ZMYM2: variants seen among roughly 807,000 people sequenced by gnomAD.
The protein encoded by ZMYM2 is zinc finger MYM-type containing 2.
In ZMYM2, 56 loss-of-function variants were observed where a neutral mutation model predicts 162.8. The ratio of observed to expected loss-of-function variants is 0.34; its 90% CI spans 0.28 to 0.43. ZMYM2 has a LOEUF of 0.43. ZMYM2 is among the 20% of genes least tolerant of loss of function. The pLI, the probability that ZMYM2 is intolerant of heterozygous loss-of-function variation, is 1.00. For synonymous variants in ZMYM2, 510 were observed against 541.6 expected (o/e 0.94, Z 0.81); for missense variants, 1,275 against 1,621.8 (o/e 0.79, Z 3.67).
upstream of ZMYM2, among the ~76,000 whole-genome samples, chr13:19,954,126 A>ATTTTTTGTTTTTTTTTTTTTTTTTTTTTT (rs1954471754): frequency 1.5e-5 from 1 of 64,912 alleles, no homozygotes. Context: ...GCTATGTTTA[A>ATTTTTTGTTTTTTTTTTTTTTTTTTTTTT]TTTTTTTTTT....
At chr13:19,940,275 A>G in the ZMYM2 span, among the ~76,000 whole-genome samples, 3 of 152,188 alleles carry the variant, frequency 2.0e-5, no homozygotes, top group Non-Finnish European at 2.9e-5. Context: ...GGGGCTAGGG[A>G]ATACATTAAG....
intron 7 of ZMYM2, 59 bp downstream of exon 7, chr13:20,019,677 G>A: frequency 7.0e-7 from 1 of 1,421,164 alleles, no homozygotes; most frequent in Non-Finnish European, 9.7e-7. Flanking sequence ...TGCTACTACT[G>A]TCATTAATAT....
the ZMYM2 span, among the ~76,000 whole-genome samples, chr13:19,881,535 T>G: frequency 6.6e-6 from 1 of 151,802 alleles, no homozygotes; most frequent in East Asian, 2.0e-4. Flanking sequence ...GGTGGCAGAA[T>G]TCCTTGAACC....
the ZMYM2 span, among the ~76,000 whole-genome samples, chr13:19,947,550 C>T: frequency 4.0e-5 from 6 of 150,198 alleles, no homozygotes; most frequent in Non-Finnish European, 8.8e-5. Context: ...ACTTCCGCCT[C>T]TGGGTTCGAG....
chr13:19,884,359 A>T, the ZMYM2 span, among the ~76,000 whole-genome samples: 1 of 152,132 alleles, frequency 6.6e-6, no homozygotes, highest in South Asian at 2.1e-4. Flanking sequence ...AAAAAGCACG[A>T]CGTCAGTAGA....
chr13:20,063,831 T>TATATAAATATATA (rs1956428506), intron 18 of ZMYM2, among the ~76,000 whole-genome samples: 7 of 132,806 alleles, frequency 5.3e-5, no homozygotes, highest in African/African-American at 1.1e-4. Flanking sequence ...ATAAATATAA[T>TATATAAATATATA]TTTATATATT....
intron 7 of ZMYM2, chr13:20,024,989 T>C (rs1300711513): frequency 9.3e-6 from 2 of 214,210 alleles, no homozygotes; most frequent in Non-Finnish European, 1.9e-5. Context: ...TGTTTTCTTA[T>C]ACTTTTTCTA....
chr13:19,996,826 G>A (rs899989405), intron 3 of ZMYM2, among the ~76,000 whole-genome samples: 5 of 152,216 alleles, frequency 3.3e-5, no homozygotes, highest in African/African-American at 1.2e-4. Context: ...GATCAAGGCT[G>A]CAGTGAGCTA....
At chr13:19,883,806 G>A in the ZMYM2 span, among the ~76,000 whole-genome samples, 1 of 152,090 alleles carries the variant, frequency 6.6e-6, no homozygotes, top group South Asian at 2.1e-4. Flanking sequence ...GCCCAGGCTG[G>A]AGCGCACGGG....
At chr13:20,049,919 T>G (rs1362591748) in intron 12 of ZMYM2, among the ~76,000 whole-genome samples, 2 of 151,942 alleles carry the variant, frequency 1.3e-5, no homozygotes, top group African/African-American at 2.4e-5. Context: ...TGAGCATAAA[T>G]TATAAAAAGG....
At chr13:19,929,482 C>T in the ZMYM2 span, among the ~76,000 whole-genome samples, 5 of 152,182 alleles carry the variant, frequency 3.3e-5, no homozygotes. Context: ...TCTTGATCTG[C>T]CCGCCTCGAC....
At chr13:19,898,237 CTTTTTTTTTT>C in the ZMYM2 span, among the ~76,000 whole-genome samples, 2 of 145,060 alleles carry the variant, frequency 1.4e-5, no homozygotes, top group Non-Finnish European at 3.0e-5. Context: ...AGAACACACT[CTTTTTTTTTT>C]TTTGAGACAG....
the ZMYM2 span, among the ~76,000 whole-genome samples, chr13:19,885,910 TATATACAC>T: frequency 4.8e-3 from 358 of 74,122 alleles, 138 homozygotes; most frequent in East Asian, 0.12. Context: ...CATATATATG[TATATACAC>T]ATATATATGT....
chr13:20,031,277 A>G, intron 9 of ZMYM2, 42 bp from the exon 10 acceptor site: 2 of 1,380,268 alleles, frequency 1.4e-6, no homozygotes, highest in South Asian at 2.6e-5. Flanking sequence ...TAGAAATTCA[A>G]ACATACATGT....
At chr13:20,056,334 TA>T (rs1188186576) in intron 14 of ZMYM2, among the ~76,000 whole-genome samples, 1 of 152,216 alleles carries the variant, frequency 6.6e-6, no homozygotes, top group Admixed American at 6.5e-5. Context: ...GGTGAAAACT[TA>T]GCCTTCAAAG....
At chr13:20,078,399 G>A (rs894806169) in intron 21 of ZMYM2, among the ~76,000 whole-genome samples, 1 of 152,098 alleles carries the variant, frequency 6.6e-6, no homozygotes, top group Non-Finnish European at 1.5e-5. Flanking sequence ...AAATTGTTAT[G>A]TATATTGTTT....
At chr13:19,943,734 T>A in the ZMYM2 span, among the ~76,000 whole-genome samples, 788 of 152,218 alleles carry the variant, frequency 5.2e-3, 7 homozygotes, top group Middle Eastern at 0.014. Context: ...AATTTGAGGA[T>A]CTGGAAATGG....
intron 21 of ZMYM2, among the ~76,000 whole-genome samples, chr13:20,072,608 G>A (rs1284473672): frequency 6.6e-6 from 1 of 152,038 alleles, no homozygotes; most frequent in Non-Finnish European, 1.5e-5. Context: ...GTGAGAATTG[G>A]CATTCTTCCT....
chr13:20,085,735 A>G (rs1958222612), intron 24 of ZMYM2, 87 bp from the exon 25 acceptor site: 5 of 1,228,546 alleles, frequency 4.1e-6, no homozygotes, highest in African/African-American at 1.5e-5. Context: ...AACGTGATTA[A>G]TGGGGTCTGA....
Sources: gnomAD v4.1 joint callset for allele counts (sites outside exome capture counted in the v4.1 genomes callset) on GRCh38, gnomAD v4.1.1 for gene constraint, MANE v1.5 for transcripts, NCBI Gene and HGNC (gene_info 2026-07-23, HGNC 2026-07-21) for gene names.